ZNF131: variants seen among roughly 807,000 people sequenced by gnomAD.
ZNF131 encodes the protein zinc finger protein 131.
In ZNF131, 7 loss-of-function variants were observed where a neutral mutation model predicts 60.0. The ratio of observed to expected loss-of-function variants is 0.12; its 90% CI spans 0.07 to 0.22. The LOEUF is 0.22. Ranked by LOEUF, ZNF131 falls within the 10% of genes least tolerant of loss-of-function variation. The pLI is 1.00. For missense variants in ZNF131, 493 were observed against 740.9 expected (o/e 0.67, Z 3.88); for synonymous variants, 257 against 253.2 (o/e 1.01, Z -0.14).
At chr5:43,166,782 G>C (rs945923985) in intron 5 of ZNF131, among the ~76,000 whole-genome samples, 2 of 151,080 alleles carry the variant, frequency 1.3e-5, no homozygotes, top group African/African-American at 2.5e-5. Context: ...AGCCTCCCGA[G>C]TAGCTGGGAT....
At position 43,175,220 on chromosome 5, in the gene ZNF131, A is replaced by G; in HGVS notation, c.*87A>G. ...TTGACTGTCCTTAATTAAGCCTAAC[A>G]GACAAGTGGACCAAAGTTAAGCTGT... On this transcript the variant is annotated 3_prime_UTR_variant, in exon 7 of 7. Coordinates refer to ENST00000682664, the MANE Select transcript of ZNF131 (RefSeq NM_001330707.2). 7.5e-7 allele frequency: 1 copy of G among 1,336,942 alleles called. No individual in the cohort carries two copies. The highest frequency in any genetic ancestry group is 1.5e-5 in the South Asian group (1 of 66,984). 82.8% of individuals were successfully genotyped at this position (1,336,942 alleles called of 1,614,324 possible).
intron 4 of ZNF131, among the ~76,000 whole-genome samples, chr5:43,140,332 G>A (rs1428299547): frequency 6.6e-6 from 1 of 152,238 alleles, no homozygotes; most frequent in Admixed American, 6.5e-5. Flanking sequence ...GAGCTCAGGA[G>A]TCAGTTTCCC....
At chr5:43,154,566 C>T (rs1049539056) in intron 4 of ZNF131, among the ~76,000 whole-genome samples, 5 of 152,146 alleles carry the variant, frequency 3.3e-5, no homozygotes, top group African/African-American at 1.2e-4. Flanking sequence ...GACAAGCAGA[C>T]CAAGTTGTAA....
chr5:43,138,380 G>A lies in ZNF131; in HGVS notation c.227-785G>A, dbSNP rs189279428. On this transcript the variant is annotated intron_variant, in intron 3 of 6. Transcript: ENST00000682664. ...TTAATAAAGGCAAGTCAGGCTGGGTGCGGTGGCTCACGCCTGTAATCCCAG... is the reference window on the plus strand; with the variant it reads ...TTAATAAAGGCAAGTCAGGCTGGGTACGGTGGCTCACGCCTGTAATCCCAG... Among the ~76,000 whole-genome samples, 4 of 152,228 alleles carry A rather than the reference G, an allele frequency of 2.6e-5. No homozygotes were observed. In the East Asian group the frequency reaches 7.7e-4, roughly 29 times the overall value.
chr5:43,133,046 G>A (rs1350466286), intron 3 of ZNF131, among the ~76,000 whole-genome samples: 3 of 152,058 alleles, frequency 2.0e-5, no homozygotes, highest in African/African-American at 2.4e-5. Context: ...ATAGTGTCTC[G>A]TAGCCTTTCA....
intron 4 of ZNF131, among the ~76,000 whole-genome samples, chr5:43,156,974 G>A (rs1251673815): frequency 6.6e-6 from 1 of 151,238 alleles, no homozygotes; most frequent in African/African-American, 2.4e-5. Context: ...GAGCTTTTCA[G>A]CAGCATTGAC....
chr5:43,152,776 C>G (rs945945213), intron 4 of ZNF131, among the ~76,000 whole-genome samples: 19 of 151,882 alleles, frequency 1.3e-4, no homozygotes, highest in Admixed American at 5.9e-4. Flanking sequence ...CCCAGCTAAT[C>G]TTTTATAATT....
intron 4 of ZNF131, among the ~76,000 whole-genome samples, chr5:43,147,398 T>TTTTTA (rs1027574614): frequency 1.1e-4 from 17 of 151,002 alleles, no homozygotes; most frequent in Admixed American, 4.6e-4. Context: ...TTAAATCTTT[T>TTTTTA]TTTTATTTTA....
chr5:43,171,355 C>T (rs1750969476), intron 5 of ZNF131, among the ~76,000 whole-genome samples: 1 of 152,164 alleles, frequency 6.6e-6, no homozygotes, highest in Non-Finnish European at 1.5e-5. Flanking sequence ...TCTATCATTC[C>T]ATCTCCTTTC....
chr5:43,153,868 T>C (rs1460683101), intron 4 of ZNF131, among the ~76,000 whole-genome samples: 1 of 152,180 alleles, frequency 6.6e-6, no homozygotes, highest in Non-Finnish European at 1.5e-5. Flanking sequence ...GAGTCATTGT[T>C]TGAGAAAGCT....
chr5:43,148,089 A>G (rs1390314982), intron 4 of ZNF131, among the ~76,000 whole-genome samples: 24 of 136,498 alleles, frequency 1.8e-4, no homozygotes, highest in Admixed American at 1.3e-3. Flanking sequence ...GTAGTTTTAT[A>G]TGCTGGGTAT....
chr5:43,121,853 C>T, intron 1 of ZNF131, 186 bp from the exon 2 acceptor site: 1 of 513,060 alleles, frequency 1.9e-6, no homozygotes. Flanking sequence ...CCCGCGGCCG[C>T]GGCTCCGGTC....
At chr5:43,124,819 A>C (rs576556329) in intron 3 of ZNF131, 1 of 152,320 alleles carries the variant, frequency 6.6e-6, no homozygotes, top group South Asian at 2.1e-4. Context: ...AAGCTTGATA[A>C]ACAGGGTCCA....
In ZNF131 at chr5:43,130,263, C is replaced by CAAAAAAAAAAAAAAAAAAAAAAAAAAAAA. The variant is rs765959932; in HGVS notation, c.226+6953_226+6954insAAAAAAAAAAAAAAAAAAAAAAAAAAAAA. Among the ~76,000 whole-genome samples the CAAAAAAAAAAAAAAAAAAAAAAAAAAAAA allele has an allele frequency of 2.7e-3, 89 of 33,122 alleles. 17 individuals carry two copies. The highest frequency in any genetic ancestry group is 5.1e-3 in the South Asian group (2 of 390). The allele number at this position is 33,122 out of a possible 152,430, so 21.7% of individuals were successfully genotyped here. A position where few individuals can be genotyped will look rare whatever the true frequency, so the allele number is the denominator to read the frequency against. On this transcript the variant is annotated intron_variant, in intron 3 of 6. Transcript: ENST00000682664. ...TGAGCGATAGAGTAAGACTCTGTCT[C>CAAAAAAAAAAAAAAAAAAAAAAAAAAAAA]CAAAAAAAAAAAAAAAAAAGAGGAA...
chr5:43,162,395 C>G (rs985699217), intron 5 of ZNF131, among the ~76,000 whole-genome samples: 1 of 150,886 alleles, frequency 6.6e-6, no homozygotes, highest in Non-Finnish European at 1.5e-5. Flanking sequence ...TGTTCGAGAC[C>G]AGCCTGGCCA....
In ZNF131 at chr5:43,138,513, G is replaced by A. The variant is rs143954628; in HGVS notation, c.227-652G>A. Among the ~76,000 whole-genome samples the A allele has an allele frequency of 7.9e-3, 1,206 of 152,238 alleles. 18 individuals carry two copies. Among genetic ancestry groups the A allele is most frequent in the African/African-American group, 0.028 (1,152 of 41,542 alleles). ...ACTAAAAATTCAAAATTAGCCAGGC[G>A]TGGTGGTACATGCCTGTAATCCCAG... On this transcript the variant is annotated intron_variant, in intron 3 of 6. Coordinates refer to ENST00000682664, the MANE Select transcript of ZNF131 (RefSeq NM_001330707.2).
rs147066246 is a variant in ZNF131 at position 43,141,793 on chromosome 5, A to G, written c.371+2484A>G. On this transcript the variant is annotated intron_variant, in intron 4 of 6. Transcript: ENST00000682664. ...AAAAAAAAAAAAAACTGGAATTCCA[A>G]TAGTACCTAAAACAATCATTGCTTT... 2.1e-3 allele frequency among the ~76,000 whole-genome samples: 315 copies of G among 152,112 alleles called. 1 individual carries two copies. The highest frequency in any genetic ancestry group is 7.0e-3 in the African/African-American group (291 of 41,506).
At chr5:43,122,613 C>A (rs527759889) in intron 2 of ZNF131, among the ~76,000 whole-genome samples, 1 of 152,078 alleles carries the variant, frequency 6.6e-6, no homozygotes, top group South Asian at 2.1e-4. Flanking sequence ...CACTCATACC[C>A]CCTTTGAGAA....
intron 6 of ZNF131, 143 bp downstream of exon 6, chr5:43,173,591 T>G (rs958422701): frequency 2.5e-5 from 28 of 1,127,376 alleles, no homozygotes; most frequent in Middle Eastern, 4.3e-4. Context: ...ATTATTGTCT[T>G]GGGGACTAAA....
Sources: allele counts gnomAD v4.1 joint callset (sites outside exome capture counted in the v4.1 genomes callset), GRCh38; gene constraint gnomAD v4.1.1; transcripts MANE v1.5; gene names NCBI Gene and HGNC (gene_info 2026-07-23, HGNC 2026-07-21).